Variants in TBCK observed in about 807,000 individuals in gnomAD.
TBCK encodes the protein TBC1 domain containing kinase.
Under a neutral mutation model 113.4 loss-of-function variants are expected in TBCK, and 99 were observed. That is an observed-to-expected ratio of 0.87 (90% CI 0.74 to 1.03). The LOEUF (loss-of-function observed/expected upper bound fraction) is 1.03. Among genes scored for constraint, TBCK ranks in the 50% least tolerant of loss-of-function variants. The probability of loss-of-function intolerance (pLI) is 0.00; values close to 1 mark genes in which losing one functional copy is unlikely to be tolerated. For synonymous variants in TBCK, 369 were observed against 370.8 expected, an observed-to-expected ratio of 1.00 and a Z score of 0.05; for missense variants, 1,045 against 1,061.3, an observed-to-expected ratio of 0.98 and a Z score of 0.21.
At chr4:106,258,002 A>C (rs1412470648) in intron 5 of TBCK, among the ~76,000 whole-genome samples, 2 of 152,062 alleles carry the variant, frequency 1.3e-5, no homozygotes, top group South Asian at 4.1e-4. Flanking sequence ...ATCAAGCAAA[A>C]CTACAGGTAA....
At chr4:106,175,125 ACT>A (rs1751501284) in intron 22 of TBCK, among the ~76,000 whole-genome samples, 1 of 148,102 alleles carries the variant, frequency 6.8e-6, no homozygotes. Flanking sequence ...ACAGAGCAAG[ACT>A]CTCTCAAAAA....
chr4:106,225,937 G>A (rs1044557359), intron 19 of TBCK, among the ~76,000 whole-genome samples: 2 of 152,042 alleles, frequency 1.3e-5, no homozygotes, highest in African/African-American at 2.4e-5. Context: ...AGAGGTGAGC[G>A]AATGGCTTGA....
intron 3 of TBCK, among the ~76,000 whole-genome samples, chr4:106,271,943 C>T (rs1162585000): frequency 6.6e-6 from 1 of 152,054 alleles, no homozygotes; most frequent in African/African-American, 2.4e-5. Context: ...CTGGGTTCTA[C>T]TCCCTGCAAT....
At chr4:106,120,714 C>G (rs1331874081) in intron 23 of TBCK, among the ~76,000 whole-genome samples, 3 of 152,168 alleles carry the variant, frequency 2.0e-5, no homozygotes, top group African/African-American at 4.8e-5. Context: ...ACACTGACAC[C>G]TCACACGGCA....
intron 25 of TBCK, among the ~76,000 whole-genome samples, chr4:106,056,033 G>A (rs1266471222): frequency 6.6e-6 from 1 of 150,500 alleles, no homozygotes; most frequent in Non-Finnish European, 1.5e-5. Context: ...TTACATAAGT[G>A]GGAGGATTCA....
At chr4:106,170,970 G>T in intron 23 of TBCK, 125 bp downstream of exon 23, 1 of 667,862 alleles carries the variant, frequency 1.5e-6, no homozygotes, top group Non-Finnish European at 2.3e-6. Flanking sequence ...CAAATCATGT[G>T]TTAGAAAATA....
intron 19 of TBCK, among the ~76,000 whole-genome samples, chr4:106,229,950 T>C (rs1579324691): frequency 6.6e-6 from 1 of 151,914 alleles, no homozygotes; most frequent in East Asian, 1.9e-4. Flanking sequence ...GGAGTATATT[T>C]TGGGTATGCA....
chr4:106,178,765 T>C lies in TBCK; in HGVS notation c.2060-7495A>G, dbSNP rs138852075. 1.7e-3 allele frequency among the ~76,000 whole-genome samples: 255 copies of C among 152,110 alleles called. 2 individuals carry two copies. The highest frequency in any genetic ancestry group is 0.014 in the South Asian group (70 of 4,832). On this transcript the variant is annotated intron_variant, in intron 22 of 25. Coordinates refer to ENST00000394708, the MANE Select transcript of TBCK (RefSeq NM_001163435.3). ...TCTATGTCCATCAGGGATATTGGTA[T>C]TTAGAATGAGTTTGAAAGTATCCTC...
chr4:106,316,671 C>T, upstream of TBCK: 2 of 1,454,994 alleles, frequency 1.4e-6, no homozygotes, highest in South Asian at 1.3e-5. Flanking sequence ...TCTAACTTGC[C>T]TCCAGGAGAG....
At chr4:106,279,198 G>A (rs1189382609) in intron 3 of TBCK, among the ~76,000 whole-genome samples, 2 of 152,174 alleles carry the variant, frequency 1.3e-5, no homozygotes, top group Non-Finnish European at 2.9e-5. Context: ...ATTTACTGAA[G>A]TTTCCTCGCT....
At chr4:106,092,547 C>T (rs532040882) in intron 25 of TBCK, among the ~76,000 whole-genome samples, 42 of 152,296 alleles carry the variant, frequency 2.8e-4, no homozygotes, top group Middle Eastern at 3.4e-3. Flanking sequence ...CCCTGCCCTG[C>T]GGGCAGGCAG....
chr4:106,214,860 G>C (rs1490639668), intron 19 of TBCK, among the ~76,000 whole-genome samples: 3 of 151,758 alleles, frequency 2.0e-5, no homozygotes, highest in African/African-American at 7.3e-5. Flanking sequence ...AGGAAATACA[G>C]AGAATGCCAC....
chr4:106,260,397 G>A (rs1390571618), intron 5 of TBCK, 40 bp downstream of exon 5: 1 of 817,796 alleles, frequency 1.2e-6, no homozygotes, highest in Non-Finnish European at 1.8e-6. Context: ...AGATTACAAA[G>A]TTAAAAAGAA....
chr4:106,151,471 T>G (rs957476838), intron 23 of TBCK, among the ~76,000 whole-genome samples: 2 of 152,046 alleles, frequency 1.3e-5, no homozygotes, highest in Non-Finnish European at 2.9e-5. Flanking sequence ...AAGTCTGTCT[T>G]TTTGTGCTTG....
intron 25 of TBCK, among the ~76,000 whole-genome samples, chr4:106,076,108 A>C (rs7662836): frequency 0.2 from 30,939 of 152,192 alleles, 3,478 homozygotes; most frequent in South Asian, 0.27. Flanking sequence ...ATAGCTCTGT[A>C]GAGGATGGCA....
chr4:106,131,511 G>A (rs1745921531), intron 23 of TBCK, among the ~76,000 whole-genome samples: 1 of 152,224 alleles, frequency 6.6e-6, no homozygotes, highest in South Asian at 2.1e-4. Context: ...TACTTGGGAG[G>A]CTGAGGCAGG....
chr4:106,117,425 G>A (rs1441518278), intron 23 of TBCK, among the ~76,000 whole-genome samples: 1 of 152,122 alleles, frequency 6.6e-6, no homozygotes, highest in Non-Finnish European at 1.5e-5. Context: ...GATGAATAAA[G>A]AGCACCCTAA....
At chr4:106,094,568 T>TC (rs1740698556) in intron 25 of TBCK, among the ~76,000 whole-genome samples, 1 of 152,208 alleles carries the variant, frequency 6.6e-6, no homozygotes, top group African/African-American at 2.4e-5. Context: ...TCAGGAGTGC[T>TC]CAAAGGAATA....
At chr4:106,098,110 A>G (rs1159676678) in intron 24 of TBCK, among the ~76,000 whole-genome samples, 1 of 152,066 alleles carries the variant, frequency 6.6e-6, no homozygotes, top group Non-Finnish European at 1.5e-5. Flanking sequence ...AACACGCAAC[A>G]CTACATATTT....
Sources: allele counts gnomAD v4.1 joint callset (sites outside exome capture counted in the v4.1 genomes callset), GRCh38; gene constraint gnomAD v4.1.1; transcripts MANE v1.5; gene names NCBI Gene and HGNC (gene_info 2026-07-23, HGNC 2026-07-21).